The following B4GALNT4 variants were observed in gnomAD, a reference collection of about 807,000 sequenced individuals.
B4GALNT4 encodes beta-1,4-N-acetyl-galactosaminyltransferase 4, also known as N-acetyl-beta-glucosaminyl-glycoprotein 4-beta-N-acetylgalactosaminyltransferase 1.
B4GALNT4 carries 77 observed loss-of-function variants against 110.0 expected under a neutral mutation model. That is an observed-to-expected ratio of 0.70 (90% CI 0.58 to 0.85). B4GALNT4 has a LOEUF of 0.85. Ranked by LOEUF, B4GALNT4 falls within the 40% of genes least tolerant of loss-of-function variation. B4GALNT4 has a pLI of 0.00. For missense variants in B4GALNT4, 1,575 were observed against 1,506.0 expected (o/e 1.05, Z -0.76); for synonymous variants, 785 against 655.5 (o/e 1.20, Z -3.02).
At position 380,951 on chromosome 11, in the gene B4GALNT4, G is replaced by C; in HGVS notation, c.2996G>C (p.Arg999Thr). 1 of 1,611,548 alleles carries C rather than the reference G, an allele frequency of 6.2e-7. No homozygotes were observed. Among genetic ancestry groups the C allele is most frequent in the Non-Finnish European group, 8.5e-7 (1 of 1,178,916 alleles). ...GGTGAAGACTGGGAGCTCCTGGACAGGTGACCACCTCCCCACTCCCCAGAG... is the reference window on the plus strand; with the variant it reads ...GGTGAAGACTGGGAGCTCCTGGACACGTGACCACCTCCCCACTCCCCAGAG... Reference protein sequence around the residue: ...WGGEDWELLDRVLQAGLEVER... With the variant: ...WGGEDWELLDTVLQAGLEVER... Residue 999 changes from arginine (R) to threonine (T), a missense_variant and splice_region_variant, in exon 19 of 20, where the codon AGG (arginine) becomes ACG (threonine). Physicochemically the swap from Arg to Thr is moderately conservative, Grantham distance 71. Transcript: ENST00000329962.
intron 14 of B4GALNT4, among the ~76,000 whole-genome samples, chr11:378,069 G>A (rs1403817467): frequency 6.6e-6 from 1 of 152,178 alleles, no homozygotes; most frequent in African/African-American, 2.4e-5. Flanking sequence ...CGTGATGGAA[G>A]GTTGCGAGCA....
rs781234634 is a variant in B4GALNT4 at position 373,413 on chromosome 11, C to CG, written c.637-36_637-35insG. The CG allele has an allele frequency of 3.7e-5, 40 of 1,088,884 alleles. 3 individuals are homozygous for CG. The highest frequency in any genetic ancestry group is 1.3e-4 in the Admixed American group (7 of 53,868). 67.5% of individuals were successfully genotyped at this position (1,088,884 alleles called of 1,614,324 possible). ...TGTCCCCAGGGAGAGAGTGAACCCCCCCCCCCACCACCACCCCTGCTCTAT... is the reference window on the plus strand; with the variant it reads ...TGTCCCCAGGGAGAGAGTGAACCCCCGCCCCCCACCACCACCCCTGCTCTAT... On this transcript the variant is annotated intron_variant, in intron 6 of 19. Transcript: ENST00000329962.
chr11:375,748 A>G lies in B4GALNT4; in HGVS notation c.960A>G (p.Pro320=), dbSNP rs546745695. The change falls in exon 10 of 20, where the codon CCA becomes CCG. Residue 320 remains proline, a synonymous_variant. Transcript: ENST00000329962. The stretch of plus-strand genomic sequence containing the variant: ...AGACCAGCGCAGACATGCTGCGGCC[A>G]GATCCCAGGGATACCTTTTTCCTCA... ...QEETSADMLR[P]DPRDTFFLTP... is the part of the protein sequence containing the mutation. The G allele has an allele frequency of 1.6e-5, 26 of 1,596,406 alleles. No individual in the cohort carries two copies. Among genetic ancestry groups the G allele is most frequent in the East Asian group, 2.2e-5 (1 of 44,670 alleles).
chr11:380,741 C>A, intron 18 of B4GALNT4, 84 bp from the exon 19 acceptor site: 1 of 1,604,566 alleles, frequency 6.2e-7, no homozygotes, highest in Non-Finnish European at 8.5e-7. Context: ...CCTGACCCCT[C>A]CCGAGGTCTC....
chr11:375,585 T>C, intron 9 of B4GALNT4, 54 bp from the exon 10 acceptor site: 2 of 1,602,068 alleles, frequency 1.2e-6, no homozygotes, highest in Non-Finnish European at 1.7e-6. Flanking sequence ...TGGGTGTGAG[T>C]GGGAAGAGTG....
At chr11:375,405 C>A in intron 8 of B4GALNT4, 56 bp from the exon 9 acceptor site, 1 of 1,586,850 alleles carries the variant, frequency 6.3e-7, no homozygotes, top group Non-Finnish European at 8.6e-7. Flanking sequence ...TAGACCCTTT[C>A]TTCCCTGGAC....
chr11:373,228 G>A lies in B4GALNT4; in HGVS notation c.573G>A (p.Ser191=), dbSNP rs781751398. Residue 191 remains serine, a synonymous_variant, in exon 6 of 20, where the codon TCG becomes TCA. Transcript: ENST00000329962. ...TTTCTGTGGCCTCAGACGACAACTC[G>A]GAGTTCTGGCTGAGTCTGGACGAGA... is the stretch of plus-strand genomic sequence containing the variant. ...VQFSVASDDN[S]EFWLSLDESP... 1.2e-5 allele frequency: 19 copies of A among 1,612,114 alleles called. No homozygotes were observed. The highest frequency in any genetic ancestry group is 3.3e-5 in the Admixed American group (2 of 59,972).
At position 372,189 on chromosome 11, in the gene B4GALNT4, G is replaced by T; in HGVS notation, c.232G>T (p.Glu78Ter). ...CACACAGAGGGCTGAGGACTCCAGT[G>T]AGAGCCGTGAAGAGGAGCAAGCGGT... ...PSTQRAEDSS[E>*]SREEEQAPEG... Residue 78 changes from glutamate to a stop codon, truncating the protein, a stop_gained, in exon 2 of 20, where the codon GAG (glutamate) becomes TAG (stop). Transcript: ENST00000329962. LOFTEE classifies it high-confidence loss of function. 6.5e-7 allele frequency: 1 copy of T among 1,550,182 alleles called. No homozygotes were observed. Among genetic ancestry groups the T allele is most frequent in the South Asian group, 1.2e-5 (1 of 84,032 alleles).
Position 372,697 on chromosome 11 carries a change from G to A in B4GALNT4, c.291G>A (p.Gly97=), listed in dbSNP as rs1457711127. 6.2e-7 allele frequency: 1 copy of A among 1,611,900 alleles called. No individual in the cohort carries two copies. The highest frequency in any genetic ancestry group is 8.5e-7 in the Non-Finnish European group (1 of 1,179,780). Residue 97 remains glycine, a synonymous_variant, in exon 3 of 20, where the codon GGG becomes GGA. Coordinates refer to ENST00000329962, the MANE Select transcript of B4GALNT4 (RefSeq NM_178537.5). ...GGGACCTAGACATGCTGTTTCCTGG[G>A]GGGGCTGGGAGGCTGCCACTGAACT... The part of the protein sequence containing the change: ...EGRDLDMLFP[G]GAGRLPLNFT...
chr11:379,549 T>A lies in B4GALNT4; in HGVS notation c.2336T>A (p.Leu779Gln). The A allele has an allele frequency of 6.3e-7, 1 of 1,587,134 alleles. No homozygotes were observed. ...CTGCGACTGTCCGAGTACGTCTTCC[T>A]GCGGCTGCCGGGAGCCCGCGTAGGG... The part of the protein sequence containing the change: ...GRLRLSEYVF[L>Q]RLPGARVGDA... The change falls in exon 15 of 20, where the codon CTG becomes CAG. Residue 779 changes from leucine to glutamine, a missense_variant. Leu to Gln is a moderately radical substitution (Grantham distance 113, BLOSUM62 -2). Transcript: ENST00000329962.
chr11:375,376 C>A, intron 8 of B4GALNT4, 85 bp from the exon 9 acceptor site: 2 of 1,404,876 alleles, frequency 1.4e-6, no homozygotes, highest in Non-Finnish European at 2.0e-6. Context: ...CCTATTAGTC[C>A]CCCGGCCCTG....
rs747752780 is a variant in B4GALNT4, at chr11:372,211, C to T, written c.254C>T (p.Ala85Val). 121 of 1,549,742 alleles carry T rather than the reference C, an allele frequency of 7.8e-5. No individual in the cohort carries two copies. The highest frequency in any genetic ancestry group is 9.2e-5 in the Non-Finnish European group (105 of 1,146,620). ...DSSESREEEQ[A>V]PEGRDLDMLF... The stretch of plus-strand genomic sequence containing the variant: ...AGTGAGAGCCGTGAAGAGGAGCAAG[C>T]GGTGAGCAGAGCCCTGGGGAGAACA... The change falls in exon 2 of 20, where the codon GCG (alanine) becomes GTG (valine). Residue 85 changes from alanine (A) to valine (V), a missense_variant and splice_region_variant. Ala to Val is a moderately conservative substitution (Grantham distance 64). Transcript: ENST00000329962.
In B4GALNT4 at chr11:375,700, G is replaced by T. The variant is rs368542643; in HGVS notation, c.912G>T (p.Val304=). The change falls in exon 10 of 20, where the codon GTG becomes GTT. Residue 304 remains valine, a synonymous_variant. Transcript: ENST00000329962. ...AHVPQSPASH[V]GGRPPQEETS... ...TCCCCCAGTCTCCAGCCAGCCACGTGGGGGGGCGTCCGCCGCAGGAGGAGA... is the reference window on the plus strand; with the variant it reads ...TCCCCCAGTCTCCAGCCAGCCACGTTGGGGGGCGTCCGCCGCAGGAGGAGA... 29 of 1,593,414 alleles carry T rather than the reference G, an allele frequency of 1.8e-5. No individual in the cohort carries two copies. Among genetic ancestry groups the T allele is most frequent in the East Asian group, 9.0e-5 (4 of 44,684 alleles).
Position 376,774 on chromosome 11 carries a change from C to G in B4GALNT4, c.1651C>G (p.Pro551Ala). The G allele has an allele frequency of 7.2e-7, 1 of 1,387,030 alleles. No homozygotes were observed. The highest frequency in any genetic ancestry group is 9.3e-7 in the Non-Finnish European group (1 of 1,073,390). 85.9% of individuals were successfully genotyped at this position (1,387,030 alleles called of 1,614,324 possible). A position where few individuals can be genotyped will look rare whatever the true frequency, so the allele number is the denominator to read the frequency against. Residue 551 changes from proline (P) to alanine (A), a missense_variant, in exon 14 of 20, where the codon CCT (proline) becomes GCT (alanine). Transcript: ENST00000329962. ...GCCGCGTGCGCCCTGGCCGCCCTTC[C>G]CTGGCGTCTTCCTGCACCCCAGGCC... ...PAPRAPWPPF[P>A]GVFLHPRPLP...
Position 375,849 on chromosome 11 carries a change from C to T in B4GALNT4, c.988C>T (p.Pro330Ser), listed in dbSNP as rs1332103634. The change falls in exon 11 of 20, where the codon CCA becomes TCA. Residue 330 changes from proline to serine, a missense_variant and splice_region_variant. Coordinates refer to ENST00000329962, the MANE Select transcript of B4GALNT4 (RefSeq NM_178537.5). ...PDPRDTFFLT[P>S]RMESSSLENV... ...CCCTGTGACCGCACCTCCTGCAGCT[C>T]CACGCATGGAATCTTCGAGCCTGGA... The T allele has an allele frequency of 3.1e-6, 5 of 1,609,322 alleles. No homozygotes were observed. In the South Asian group the frequency reaches 5.5e-5, roughly 18 times the overall value.
rs1298427030 is a variant in B4GALNT4 at position 377,320 on chromosome 11, C to T, written c.2197C>T (p.His733Tyr). ...AQYMERLNAR[H>Y]GGRFALLRIV... ...GTACATGGAGCGGCTGAACGCGCGC[C>T]ACGGCGGGTATGGGGGCGGCCGAAC... is the stretch of plus-strand genomic sequence containing the variant. Residue 733 changes from histidine (H) to tyrosine (Y), a missense_variant, in exon 14 of 20, where the codon CAC becomes TAC. His to Tyr is a moderately conservative substitution (Grantham distance 83). Transcript: ENST00000329962. The T allele has an allele frequency of 6.5e-7, 1 of 1,539,136 alleles. No homozygotes were observed. The highest frequency in any genetic ancestry group is 2.0e-5 in the Admixed American group (1 of 49,196).
intron 1 of B4GALNT4, among the ~76,000 whole-genome samples, chr11:371,155 T>G (rs1283612332): frequency 1.3e-5 from 2 of 152,152 alleles, no homozygotes; most frequent in African/African-American, 4.8e-5. Context: ...AAGGACCCCT[T>G]GAGGCTAAGC....
intron 14 of B4GALNT4, among the ~76,000 whole-genome samples, 176 bp downstream of exon 14, chr11:377,503 C>A (rs1417182823): frequency 6.6e-6 from 1 of 152,156 alleles, no homozygotes; most frequent in Non-Finnish European, 1.5e-5. Context: ...CTCCTTCCTT[C>A]CTGGCGTCCT....
At chr11:375,812 C>T in intron 10 of B4GALNT4, 35 bp from the exon 11 acceptor site, 1 of 1,603,482 alleles carries the variant, frequency 6.2e-7, no homozygotes, top group Non-Finnish European at 8.5e-7. Context: ...GCGGGGGTGC[C>T]TGCCCCAGCC....
Sources: allele counts gnomAD v4.1 joint callset (sites outside exome capture counted in the v4.1 genomes callset), GRCh38; gene constraint gnomAD v4.1.1; transcripts MANE v1.5; gene names NCBI Gene and HGNC (gene_info 2026-07-23, HGNC 2026-07-21).